SMAP1: variants seen among roughly 807,000 people sequenced by gnomAD.
SMAP1 encodes the protein small ArfGAP 1.
In SMAP1, 24 loss-of-function variants were observed where a neutral mutation model predicts 58.5. That is an observed-to-expected ratio of 0.41 (90% confidence interval 0.30 to 0.58). The LOEUF (loss-of-function observed/expected upper bound fraction) is 0.58. Among genes scored for constraint, SMAP1 ranks in the 20% least tolerant of loss-of-function variants. The pLI is 0.29. For missense variants in SMAP1, 563 were observed against 566.3 expected (o/e 0.99, Z 0.06); for synonymous variants, 216 against 196.6 (o/e 1.10, Z -0.82).
At chr6:70,741,333 C>G (rs1483742955) in intron 2 of SMAP1, among the ~76,000 whole-genome samples, 1 of 152,220 alleles carries the variant, frequency 6.6e-6, no homozygotes, top group Non-Finnish European at 1.5e-5. Flanking sequence ...GTAAATACAG[C>G]TGTTCCAAAT....
intron 3 of SMAP1, among the ~76,000 whole-genome samples, chr6:70,772,178 G>T (rs2149913212): frequency 6.6e-6 from 1 of 152,298 alleles, no homozygotes; most frequent in East Asian, 1.9e-4. Flanking sequence ...CACAGACAGT[G>T]GCTCGGGTAG....
chr6:70,744,213 G>A (rs902767032), intron 2 of SMAP1, among the ~76,000 whole-genome samples: 4 of 148,590 alleles, frequency 2.7e-5, no homozygotes. Flanking sequence ...TAGGGTACAT[G>A]TGCACAACAT....
chr6:70,675,806 G>A (rs935508301), intron 1 of SMAP1, among the ~76,000 whole-genome samples: 3 of 152,170 alleles, frequency 2.0e-5, no homozygotes, highest in Admixed American at 1.3e-4. Context: ...CAGGCCTTGC[G>A]GTGGTTGGCT....
In SMAP1 at chr6:70,861,181, G is replaced by C. The variant is rs1771710217; in HGVS notation, c.*847G>C. 1 of 163,236 alleles carries C rather than the reference G, an allele frequency of 6.1e-6. No individual in the cohort carries two copies. The highest frequency in any genetic ancestry group is 2.4e-5 in the African/African-American group (1 of 41,740). 10.1% of individuals were successfully genotyped at this position (163,236 alleles called of 1,614,324 possible). A position where few individuals can be genotyped will look rare whatever the true frequency, so the allele number is the denominator to read the frequency against. On this transcript the variant is annotated 3_prime_UTR_variant, in exon 11 of 11. Transcript: ENST00000370455. ...TGACTCCATAGACCTTTTCATTTGT[G>C]GGTTTTTATTTCCTATGATGTATAC...
At chr6:70,839,237 T>G (rs1029262121) in intron 7 of SMAP1, among the ~76,000 whole-genome samples, 1 of 152,246 alleles carries the variant, frequency 6.6e-6, no homozygotes, top group Admixed American at 6.5e-5. Context: ...TGCAGGGCAC[T>G]TTTTACCAGC....
intron 2 of SMAP1, 75 bp downstream of exon 2, chr6:70,732,586 A>G (rs1765473331): frequency 6.3e-6 from 8 of 1,269,094 alleles, no homozygotes; most frequent in Non-Finnish European, 5.1e-6. Flanking sequence ...TCTTGCATCT[A>G]AGGATTAACA....
At chr6:70,669,041 G>C (rs1766156312) in intron 1 of SMAP1, among the ~76,000 whole-genome samples, 1 of 152,012 alleles carries the variant, frequency 6.6e-6, no homozygotes, top group Admixed American at 6.6e-5. Context: ...ACTATTTTTA[G>C]CTGCTATGTT....
At chr6:70,780,522 A>G (rs1767720579) in intron 4 of SMAP1, among the ~76,000 whole-genome samples, 2 of 152,178 alleles carry the variant, frequency 1.3e-5, no homozygotes, top group African/African-American at 4.8e-5. Context: ...TTGAGGCTTC[A>G]GTGAGCTGTG....
At chr6:70,693,375 C>T (rs1412652306) in intron 1 of SMAP1, among the ~76,000 whole-genome samples, 1 of 146,190 alleles carries the variant, frequency 6.8e-6, no homozygotes, top group Non-Finnish European at 1.5e-5. Flanking sequence ...GCAATCTCTG[C>T]TCACTGCAAC....
At chr6:70,750,971 G>A (rs1316881626) in intron 2 of SMAP1, among the ~76,000 whole-genome samples, 2 of 152,168 alleles carry the variant, frequency 1.3e-5, no homozygotes, top group Non-Finnish European at 1.5e-5. Flanking sequence ...AGGGTGCGGT[G>A]GCTCATACCT....
intron 6 of SMAP1, among the ~76,000 whole-genome samples, chr6:70,834,191 T>A (rs1052236716): frequency 6.6e-6 from 1 of 152,180 alleles, no homozygotes; most frequent in African/African-American, 2.4e-5. Context: ...AAAAGGTAGT[T>A]CTAATTTGGT....
chr6:70,850,428 T>TA (rs1771140095), intron 7 of SMAP1, among the ~76,000 whole-genome samples: 1 of 152,090 alleles, frequency 6.6e-6, no homozygotes, highest in African/African-American at 2.4e-5. Flanking sequence ...TAGTTGCTTA[T>TA]ATTCAGCTTG....
chr6:70,753,936 T>C (rs961072851), intron 2 of SMAP1, among the ~76,000 whole-genome samples: 3 of 152,206 alleles, frequency 2.0e-5, no homozygotes, highest in Admixed American at 2.0e-4. Context: ...TATTGGAATT[T>C]AGTGCACTTT....
rs539592061 is a variant in SMAP1 at position 70,756,237 on chromosome 6, C to T, written c.338+1172C>T. On this transcript the variant is annotated intron_variant, in intron 3 of 10. Coordinates refer to ENST00000370455, the MANE Select transcript of SMAP1 (RefSeq NM_001044305.3). ...TTGACAATAAAATGTAGTTTATTAA[C>T]GATCAATTATATTGTACCCATTTGT... Among the ~76,000 whole-genome samples, 28 of 152,062 alleles carry T rather than the reference C, an allele frequency of 1.8e-4. No individual in the cohort carries two copies. In the South Asian group the frequency reaches 4.6e-3, roughly 25 times the overall value.
At chr6:70,810,084 A>C (rs183525604) in intron 6 of SMAP1, among the ~76,000 whole-genome samples, 165 of 152,280 alleles carry the variant, frequency 1.1e-3, no homozygotes, top group Non-Finnish European at 2.0e-3. Flanking sequence ...AAAAATAAAT[A>C]ATCTGTCTTG....
chr6:70,763,106 CTTTTTTTTTTTT>C (rs35936929), intron 3 of SMAP1, among the ~76,000 whole-genome samples: 32 of 84,462 alleles, frequency 3.8e-4, no homozygotes, highest in Non-Finnish European at 5.8e-4. Context: ...ACAGATATTA[CTTTTTTTTTTTT>C]TTTTTTTTTT....
At chr6:70,841,077 A>G (rs972600645) in intron 7 of SMAP1, among the ~76,000 whole-genome samples, 6 of 152,214 alleles carry the variant, frequency 3.9e-5, no homozygotes, top group Non-Finnish European at 7.3e-5. Context: ...TGGTTAGGAC[A>G]GTTCCCCCCG....
chr6:70,740,472 A>G (rs1444947430), intron 2 of SMAP1, among the ~76,000 whole-genome samples: 2 of 81,542 alleles, frequency 2.5e-5, no homozygotes, highest in East Asian at 5.6e-4. Flanking sequence ...TCTCAAAAAA[A>G]AAAAAACAAA....
At chr6:70,734,097 A>G (rs1321946819) in intron 2 of SMAP1, among the ~76,000 whole-genome samples, 1 of 151,944 alleles carries the variant, frequency 6.6e-6, no homozygotes, top group Non-Finnish European at 1.5e-5. Flanking sequence ...GCATTTGCCA[A>G]CTTCTTGATA....
Sources: allele counts gnomAD v4.1 joint callset (sites outside exome capture counted in the v4.1 genomes callset), GRCh38; gene constraint gnomAD v4.1.1; transcripts MANE v1.5; gene names NCBI Gene and HGNC (gene_info 2026-07-23, HGNC 2026-07-21).